Variants in PPEF1 observed in about 807,000 individuals in gnomAD.
The protein encoded by PPEF1 is protein phosphatase with EF-hand domain 1, also known as serine/threonine-protein phosphatase with EF-hands 1.
A neutral mutation model predicts 53.3 loss-of-function variants in PPEF1; 12 were observed. The ratio of observed to expected loss-of-function variants is 0.23; its 90% CI spans 0.14 to 0.36. The LOEUF (loss-of-function observed/expected upper bound fraction) is 0.36. Among genes scored for constraint, PPEF1 ranks in the 10% least tolerant of loss-of-function variants. The pLI, the probability that PPEF1 is intolerant of heterozygous loss-of-function variation, is 1.00. For missense variants in PPEF1, 334 were observed against 490.4 expected (o/e 0.68, Z 3.01); for synonymous variants, 165 against 176.7 (o/e 0.93, Z 0.52).
intron 9 of PPEF1, among the ~76,000 whole-genome samples, chrX:18,787,915 G>A (rs2046241071): frequency 9.0e-6 from 1 of 111,646 alleles, no homozygotes; most frequent in Admixed American, 9.5e-5. Flanking sequence ...AGCAATAGCT[G>A]AGCTTGAATT....
chrX:18,752,658 G>T, intron 4 of PPEF1, among the ~76,000 whole-genome samples: 1 of 109,774 alleles, frequency 9.1e-6, no homozygotes, highest in Non-Finnish European at 1.9e-5. Flanking sequence ...ATCATGTTGA[G>T]GAAATTTCCT....
upstream of PPEF1, among the ~76,000 whole-genome samples, chrX:18,675,376 C>G: frequency 8.8e-6 from 1 of 113,760 alleles, no homozygotes; most frequent in East Asian, 2.8e-4. Context: ...GCCACCCGGC[C>G]CACTTGCCGG....
At chrX:18,698,989 A>G (rs1049801960) in intron 5 of PPEF1, among the ~76,000 whole-genome samples, 2 of 112,180 alleles carry the variant, frequency 1.8e-5, no homozygotes, top group Non-Finnish European at 3.8e-5. Context: ...AGGAGGTGAC[A>G]TTGGAACAAC....
chrX:18,684,453 C>T (rs1390563009), intron 1 of PPEF1, among the ~76,000 whole-genome samples: 7 of 111,073 alleles, frequency 6.3e-5, no homozygotes, highest in Non-Finnish European at 1.3e-4. Context: ...TGGTATACCT[C>T]TCCAGACCAG....
intron 1 of PPEF1, among the ~76,000 whole-genome samples, chrX:18,719,531 G>T (rs777898670): frequency 9.1e-6 from 1 of 109,572 alleles, no homozygotes; most frequent in Non-Finnish European, 1.9e-5. Context: ...AGTTTTTGTA[G>T]AGATGGGGTT....
chrX:18,712,805 T>C (rs1456104695), intron 1 of PPEF1, among the ~76,000 whole-genome samples: 1 of 112,103 alleles, frequency 8.9e-6, no homozygotes, highest in African/African-American at 3.2e-5. Context: ...AGTTTATTGA[T>C]TTTTTTATTA....
At chrX:18,703,318 AATT>A (rs1031566227), upstream of PPEF1, among the ~76,000 whole-genome samples, 20 of 111,978 alleles carry the variant, frequency 1.8e-4, no homozygotes, top group African/African-American at 6.5e-4. Flanking sequence ...ATAATGTAAA[AATT>A]ATTATAGCCA....
intron 10 of PPEF1, among the ~76,000 whole-genome samples, chrX:18,803,368 G>A (rs757087612): frequency 5.9e-4 from 66 of 112,804 alleles, no homozygotes; most frequent in Non-Finnish European, 1.0e-3. Context: ...CAGCGTGGGC[G>A]TTATGGCCAT....
chrX:18,826,100 G>T (rs1471921925), intron 15 of PPEF1, among the ~76,000 whole-genome samples: 2 of 111,302 alleles, frequency 1.8e-5, no homozygotes, highest in African/African-American at 3.3e-5. Context: ...AGGCTAATCT[G>T]GTTCTCTGAA....
In PPEF1 at chrX:18,752,746, C is replaced by A. The variant is rs1461666439; in HGVS notation, c.396+2794C>A. ...CAAATGCTTTTTTTTTTTTTTACAT[C>A]AGTTGAGATGATTGTGCGTTTTTTA... On this transcript the variant is annotated intron_variant, in intron 4 of 15. Transcript: ENST00000470157. Among the ~76,000 whole-genome samples, 3 of 99,964 alleles carry A rather than the reference C, an allele frequency of 3.0e-5. No homozygotes were observed. In the East Asian group the frequency reaches 9.1e-4, roughly 30 times the overall value. The allele number at this position is 99,964 out of a possible 115,157, so 86.8% of individuals were successfully genotyped here.
intron 1 of PPEF1, among the ~76,000 whole-genome samples, chrX:18,722,814 A>G (rs938620002): frequency 2.7e-5 from 3 of 110,617 alleles, no homozygotes; most frequent in African/African-American, 9.9e-5. Context: ...GAGATAGGCG[A>G]TGAGGGGAGA....
At chrX:18,789,864 C>T (rs1401584258) in intron 10 of PPEF1, among the ~76,000 whole-genome samples, 1 of 111,896 alleles carries the variant, frequency 8.9e-6, no homozygotes, top group Non-Finnish European at 1.9e-5. Context: ...GGGTTGTTTC[C>T]ACTTTTTGGC....
chrX:18,740,968 G>C (rs1441275119), intron 3 of PPEF1, among the ~76,000 whole-genome samples: 1 of 102,219 alleles, frequency 9.8e-6, no homozygotes, highest in Non-Finnish European at 2.0e-5. Flanking sequence ...TGGCATCTAG[G>C]AGCATCTTTT....
At chrX:18,761,747 ACATCT>A (rs1489681755) in intron 6 of PPEF1, among the ~76,000 whole-genome samples, 171 bp downstream of exon 6, 1 of 108,223 alleles carries the variant, frequency 9.2e-6, no homozygotes, top group Non-Finnish European at 1.9e-5. Context: ...TTTTTAACAC[ACATCT>A]CATAAATTTT....
chrX:18,772,488 G>T (rs1038935764), intron 6 of PPEF1, among the ~76,000 whole-genome samples: 1 of 111,409 alleles, frequency 9.0e-6, no homozygotes, highest in East Asian at 2.8e-4. Context: ...CTCTGCCAGG[G>T]TTTGGTATCA....
At chrX:18,815,924 G>A (rs2046901220) in intron 12 of PPEF1, among the ~76,000 whole-genome samples, 1 of 103,863 alleles carries the variant, frequency 9.6e-6, no homozygotes, top group African/African-American at 3.5e-5. Context: ...TTTTGAGATG[G>A]AGTTTTGCTC....
chrX:18,702,944 C>T (rs1268692421), upstream of PPEF1, among the ~76,000 whole-genome samples: 1 of 111,361 alleles, frequency 9.0e-6, no homozygotes, highest in Non-Finnish European at 1.9e-5. Context: ...GGAAGCCCCC[C>T]ACCTCTTTGA....
chrX:18,738,182 T>G (rs9698407), intron 3 of PPEF1, among the ~76,000 whole-genome samples: 4,591 of 111,483 alleles, frequency 0.041, 241 homozygotes, highest in African/African-American at 0.14. Flanking sequence ...GTTAGCTGGT[T>G]ATTTTTCTCG....
chrX:18,750,033 C>A, intron 4 of PPEF1, 81 bp downstream of exon 4: 1 of 901,115 alleles, frequency 1.1e-6, no homozygotes, highest in Non-Finnish European at 1.6e-6. Flanking sequence ...GAACATACCA[C>A]AGCAGAGATG....
Sources: gnomAD v4.1 joint callset for allele counts (sites outside exome capture counted in the v4.1 genomes callset) on GRCh38, gnomAD v4.1.1 for gene constraint, MANE v1.5 for transcripts, NCBI Gene and HGNC (gene_info 2026-07-23, HGNC 2026-07-21) for gene names.